The following PBX3 variants were observed in gnomAD, a reference collection of about 807,000 sequenced individuals.
PBX3 encodes the protein pre-B-cell leukemia transcription factor 3.
In PBX3, 14 loss-of-function variants were observed where a neutral mutation model predicts 48.5. That is an observed-to-expected ratio of 0.29 (90% CI 0.19 to 0.45). PBX3 has a LOEUF of 0.45. PBX3 is among the 20% of genes least tolerant of loss of function. The pLI, the probability that PBX3 is intolerant of heterozygous loss-of-function variation, is 1.00. For missense variants in PBX3, 386 were observed against 546.7 expected, an observed-to-expected ratio of 0.71 and a Z score of 2.93; for synonymous variants, 210 against 200.3, an observed-to-expected ratio of 1.05 and a Z score of -0.41.
chr9:125,802,359 A>ATTTTTTTTTT (rs57805307), intron 2 of PBX3, among the ~76,000 whole-genome samples: 2 of 67,720 alleles, frequency 3.0e-5, no homozygotes, highest in Non-Finnish European at 5.4e-5. Context: ...ACATTAGTGC[A>ATTTTTTTTTT]TTTTTTTTTT....
intron 2 of PBX3, among the ~76,000 whole-genome samples, chr9:125,843,128 A>G (rs1457812834): frequency 6.6e-6 from 1 of 152,058 alleles, no homozygotes; most frequent in African/African-American, 2.4e-5. Context: ...TCTCCCTAAA[A>G]TATCCACAAA....
At chr9:125,869,986 C>T (rs1840077406) in intron 2 of PBX3, among the ~76,000 whole-genome samples, 1 of 150,994 alleles carries the variant, frequency 6.6e-6, no homozygotes, top group East Asian at 1.9e-4. Context: ...CACAGTTCCA[C>T]GTGTCTGGAG....
At chr9:125,892,094 A>AT (rs1018009595) in intron 2 of PBX3, among the ~76,000 whole-genome samples, 31 of 151,276 alleles carry the variant, frequency 2.0e-4, no homozygotes, top group Non-Finnish European at 3.1e-4. Context: ...TAATTTTTGT[A>AT]TTTTTTTTAG....
At chr9:125,771,204 G>T (rs1401555047) in intron 2 of PBX3, among the ~76,000 whole-genome samples, 3 of 152,200 alleles carry the variant, frequency 2.0e-5, no homozygotes, top group Non-Finnish European at 4.4e-5. Context: ...GATGCTAAGA[G>T]ATATCACACT....
chr9:125,785,451 A>G (rs961834692), intron 2 of PBX3, among the ~76,000 whole-genome samples: 11 of 152,200 alleles, frequency 7.2e-5, no homozygotes, highest in Non-Finnish European at 1.3e-4. Context: ...GTCCTTGGAC[A>G]TCAGACTCCA....
intron 2 of PBX3, among the ~76,000 whole-genome samples, chr9:125,773,302 G>A (rs563793991): frequency 4.6e-5 from 7 of 152,270 alleles, no homozygotes; most frequent in Middle Eastern, 3.4e-3. Context: ...GTGTCCCTTC[G>A]TTCACTTGGC....
chr9:125,923,177 T>G (rs1014942488), intron 3 of PBX3, among the ~76,000 whole-genome samples: 4 of 152,254 alleles, frequency 2.6e-5, no homozygotes, highest in Non-Finnish European at 5.9e-5. Flanking sequence ...TTAACCCTTT[T>G]TTCTTATATA....
chr9:125,920,522 A>G (rs949722906), intron 3 of PBX3, among the ~76,000 whole-genome samples: 2 of 152,226 alleles, frequency 1.3e-5, no homozygotes, highest in African/African-American at 4.8e-5. Context: ...TAAAAAGGAA[A>G]AGATATATAA....
intron 2 of PBX3, chr9:125,797,464 A>T (rs1426025484): frequency 6.6e-6 from 1 of 152,254 alleles, no homozygotes; most frequent in Non-Finnish European, 1.5e-5. Flanking sequence ...CCTCTACTCA[A>T]GGTGAGTTAT....
intron 2 of PBX3, among the ~76,000 whole-genome samples, chr9:125,831,557 A>G (rs1838963122): frequency 6.6e-6 from 1 of 152,162 alleles, no homozygotes; most frequent in South Asian, 2.1e-4. Flanking sequence ...AATACAATTC[A>G]TACTGGAAAG....
At chr9:125,889,902 G>A (rs1840598266) in intron 2 of PBX3, among the ~76,000 whole-genome samples, 1 of 149,290 alleles carries the variant, frequency 6.7e-6, no homozygotes. Flanking sequence ...GGCGCGCCCC[G>A]AAAGCCGCGG....
chr9:125,879,452 A>T (rs10987002), intron 2 of PBX3, among the ~76,000 whole-genome samples: 3,040 of 152,320 alleles, frequency 0.02, 171 homozygotes, highest in East Asian at 0.17. Context: ...GCCCATAGGA[A>T]AGGTCTTTTT....
rs530434409 is a variant in PBX3, at chr9:125,884,050, C to A, written c.275-31636C>A. On this transcript the variant is annotated intron_variant, in intron 2 of 8. Coordinates refer to ENST00000373489, the MANE Select transcript of PBX3 (RefSeq NM_006195.6). ...GAGCTTATGTGTGAATAATTAATGG[C>A]AATTAATCCTTAATTACAGTAATTA... is the stretch of plus-strand genomic sequence containing the variant. Among the ~76,000 whole-genome samples, 16 of 152,252 alleles carry A rather than the reference C, an allele frequency of 1.1e-4. No individual in the cohort carries two copies. In the South Asian group the frequency reaches 3.1e-3, roughly 30 times the overall value.
intron 2 of PBX3, among the ~76,000 whole-genome samples, chr9:125,891,363 T>G (rs979264492): frequency 6.6e-6 from 1 of 152,198 alleles, no homozygotes; most frequent in South Asian, 2.1e-4. Context: ...GCCAAATCAT[T>G]AGAAGTTGAT....
intron 2 of PBX3, among the ~76,000 whole-genome samples, chr9:125,784,937 A>G (rs866738003): frequency 1.1e-4 from 17 of 152,150 alleles, no homozygotes; most frequent in Admixed American, 3.9e-4. Context: ...TCTGAATTTC[A>G]TAGTATATAT....
chr9:125,854,376 C>T (rs1458873148), intron 2 of PBX3, among the ~76,000 whole-genome samples: 1 of 152,062 alleles, frequency 6.6e-6, no homozygotes, highest in Non-Finnish European at 1.5e-5. Context: ...CTCAAGCGAT[C>T]TTCCTGCCTC....
chr9:125,779,932 G>C (rs1386226050), intron 2 of PBX3, among the ~76,000 whole-genome samples: 3 of 122,292 alleles, frequency 2.5e-5, no homozygotes, highest in Non-Finnish European at 5.2e-5. Flanking sequence ...CTGGCCGGGC[G>C]GGGGGCTGAC....
intron 2 of PBX3, among the ~76,000 whole-genome samples, chr9:125,909,084 A>G (rs555828819): frequency 6.6e-6 from 1 of 152,132 alleles, no homozygotes; most frequent in Non-Finnish European, 1.5e-5. Context: ...AGCTCCATTT[A>G]ACAAAAAAGT....
chr9:125,938,903 G>A (rs936939507), intron 5 of PBX3, among the ~76,000 whole-genome samples: 1 of 151,972 alleles, frequency 6.6e-6, no homozygotes, highest in African/African-American at 2.4e-5. Flanking sequence ...TACACTGACT[G>A]ACTTAGGGGT....
Sources: gnomAD v4.1 joint callset for allele counts (sites outside exome capture counted in the v4.1 genomes callset) on GRCh38, gnomAD v4.1.1 for gene constraint, MANE v1.5 for transcripts, NCBI Gene and HGNC (gene_info 2026-07-23, HGNC 2026-07-21) for gene names.